TENM3: variants seen among roughly 807,000 people sequenced by gnomAD.
TENM3 encodes the protein teneurin transmembrane protein 3.
Under a neutral mutation model 255.1 loss-of-function variants are expected in TENM3, and 63 were observed. That is an observed-to-expected ratio of 0.25 (90% CI 0.20 to 0.30). The LOEUF (loss-of-function observed/expected upper bound fraction) is 0.30, where lower values mean the gene tolerates loss of function less well. TENM3 is among the 10% of genes least tolerant of loss of function. The probability of loss-of-function intolerance (pLI) is 1.00; values close to 1 mark genes in which losing one functional copy is unlikely to be tolerated. For missense variants in TENM3, 2,929 were observed against 3,461.1 expected (o/e 0.85, Z 3.86); for synonymous variants, 1,306 against 1,322.3 (o/e 0.99, Z 0.27).
intron 1 of TENM3, among the ~76,000 whole-genome samples, chr4:182,166,029 C>T (rs1456144627): frequency 6.6e-6 from 1 of 152,176 alleles, no homozygotes; most frequent in Non-Finnish European, 1.5e-5. Flanking sequence ...CTGCCCGCCT[C>T]GGCCTCCCAA....
intron 7 of TENM3, among the ~76,000 whole-genome samples, chr4:182,676,565 C>T (rs1755677396): frequency 6.6e-6 from 1 of 152,220 alleles, no homozygotes; most frequent in Non-Finnish European, 1.5e-5. Flanking sequence ...GTTAAGTATT[C>T]ATAGATTCTA....
chr4:182,755,404 C>A, intron 22 of TENM3, 145 bp downstream of exon 22: 1 of 779,972 alleles, frequency 1.3e-6, no homozygotes, highest in Non-Finnish European at 1.9e-6. Flanking sequence ...CGGCTGGGCA[C>A]GGTGGCTCAT....
At chr4:181,702,099 A>G in the TENM3 span, among the ~76,000 whole-genome samples, 1 of 152,208 alleles carries the variant, frequency 6.6e-6, no homozygotes, top group Non-Finnish European at 1.5e-5. Flanking sequence ...AGTGCACACT[A>G]TGGTCTTGTT....
At chr4:182,356,373 G>A (rs1373179443) in intron 3 of TENM3, among the ~76,000 whole-genome samples, 1 of 152,114 alleles carries the variant, frequency 6.6e-6, no homozygotes, top group Non-Finnish European at 1.5e-5. Context: ...TGTAGGTATA[G>A]TGGGTGTGGA....
chr4:182,695,136 A>G (rs1465813677), intron 12 of TENM3, among the ~76,000 whole-genome samples: 1 of 152,200 alleles, frequency 6.6e-6, no homozygotes, highest in Non-Finnish European at 1.5e-5. Context: ...GGGGCACCAC[A>G]TCATACCCAC....
the TENM3 span, among the ~76,000 whole-genome samples, chr4:181,964,470 T>G: frequency 6.6e-6 from 1 of 152,282 alleles, no homozygotes; most frequent in African/African-American, 2.4e-5. Context: ...TGTTCCTTCT[T>G]TTGTCATTCC....
At chr4:181,838,406 C>T in the TENM3 span, among the ~76,000 whole-genome samples, 4 of 152,018 alleles carry the variant, frequency 2.6e-5, no homozygotes, top group Admixed American at 1.3e-4. Context: ...ACTTTTTTGT[C>T]GAGTTTGGGC....
the TENM3 span, among the ~76,000 whole-genome samples, chr4:181,713,144 A>G: frequency 6.6e-6 from 1 of 152,362 alleles, no homozygotes; most frequent in East Asian, 1.9e-4. Context: ...ACCTTCTAAA[A>G]GTGAAAAATA....
chr4:182,747,938 A>C (rs1762123753), intron 19 of TENM3, among the ~76,000 whole-genome samples: 1 of 152,196 alleles, frequency 6.6e-6, no homozygotes, highest in Non-Finnish European at 1.5e-5. Flanking sequence ...GCTTCTTCAA[A>C]TGTCTTGTGT....
intron 1 of TENM3, among the ~76,000 whole-genome samples, chr4:182,156,497 C>T (rs1382137634): frequency 1.3e-5 from 2 of 151,886 alleles, no homozygotes; most frequent in Admixed American, 6.6e-5. Context: ...TTTTGCAACC[C>T]TCCCCCTCTC....
At chr4:181,467,397 A>T in the TENM3 span, among the ~76,000 whole-genome samples, 10 of 151,182 alleles carry the variant, frequency 6.6e-5, no homozygotes, top group African/African-American at 9.8e-5. Context: ...GGCCTCCCTA[A>T]GTGCTGGGAT....
the TENM3 span, among the ~76,000 whole-genome samples, chr4:181,510,353 A>C: frequency 6.6e-6 from 1 of 152,320 alleles, no homozygotes; most frequent in African/African-American, 2.4e-5. Flanking sequence ...CATACCAAAT[A>C]TAACAAACAA....
chr4:182,177,850 A>G (rs17090667), intron 1 of TENM3, among the ~76,000 whole-genome samples: 2,619 of 152,064 alleles, frequency 0.017, 65 homozygotes, highest in African/African-American at 0.06. Flanking sequence ...TTTGAAATTC[A>G]GATGAGACAA....
At chr4:181,616,590 T>C in the TENM3 span, among the ~76,000 whole-genome samples, 170 of 152,104 alleles carry the variant, frequency 1.1e-3, no homozygotes, top group Non-Finnish European at 2.0e-3. Flanking sequence ...CATACAGTTT[T>C]TGAGGCTGAG....
chr4:182,653,759 C>A lies in TENM3; in HGVS notation c.989-12C>A, dbSNP rs1339344375. The stretch of plus-strand genomic sequence containing the variant: ...AGCAGATCTTTAAACAACTTGTGTT[C>A]TTTACCCCCAGCAATGCATCTCTTT... On this transcript the variant is annotated splice_polypyrimidine_tract_variant and intron_variant, in intron 5 of 27. Transcript: ENST00000511685. The A allele has an allele frequency of 6.2e-7, 1 of 1,602,034 alleles. No individual in the cohort carries two copies. The highest frequency in any genetic ancestry group is 1.1e-5 in the South Asian group (1 of 89,226).
chr4:181,704,459 A>AC, the TENM3 span, among the ~76,000 whole-genome samples: 1 of 152,090 alleles, frequency 6.6e-6, no homozygotes, highest in Admixed American at 6.5e-5. Flanking sequence ...TTTATCCCTC[A>AC]CCAGTATGTC....
intron 20 of TENM3, 101 bp downstream of exon 20, chr4:182,752,133 T>TCTAAC (rs139756555): frequency 2.7e-6 from 2 of 743,444 alleles, no homozygotes; most frequent in African/African-American, 3.6e-5. Flanking sequence ...TAATGCTGAG[T>TCTAAC]CTAACTTTTT....
the TENM3 span, among the ~76,000 whole-genome samples, chr4:181,849,949 T>TCTCTCTCTCTTACACACACACA: frequency 7.6e-5 from 5 of 65,964 alleles, no homozygotes; most frequent in Admixed American, 5.8e-4. Flanking sequence ...TCTCTCTCTC[T>TCTCTCTCTCTTACACACACACA]CACACACACA....
At chr4:182,413,900 T>C (rs929887881) in intron 3 of TENM3, among the ~76,000 whole-genome samples, 4 of 152,214 alleles carry the variant, frequency 2.6e-5, no homozygotes, top group African/African-American at 9.7e-5. Context: ...AACACAGTCT[T>C]GTAAACACTA....
Sources: allele counts gnomAD v4.1 joint callset (sites outside exome capture counted in the v4.1 genomes callset), GRCh38; gene constraint gnomAD v4.1.1; transcripts MANE v1.5; gene names NCBI Gene and HGNC (gene_info 2026-07-23, HGNC 2026-07-21).